The following PPARGC1A variants were observed in gnomAD, a reference collection of about 807,000 sequenced individuals.
PPARGC1A encodes the protein peroxisome proliferator-activated receptor gamma coactivator 1-alpha.
A neutral mutation model predicts 88.7 loss-of-function variants in PPARGC1A; 25 were observed. The observed-to-expected ratio is 0.28, with a 90% CI of 0.21 to 0.39. The LOEUF (loss-of-function observed/expected upper bound fraction) is 0.39. Ranked by LOEUF, PPARGC1A falls within the 10% of genes least tolerant of loss-of-function variation. The pLI is 1.00. For synonymous variants in PPARGC1A, 363 were observed against 355.6 expected (o/e 1.02, Z -0.24); for missense variants, 880 against 968.7 (o/e 0.91, Z 1.22).
chr4:24,315,005 C>T, the PPARGC1A span, among the ~76,000 whole-genome samples: 1 of 147,372 alleles, frequency 6.8e-6, no homozygotes, highest in South Asian at 2.2e-4. Flanking sequence ...GAACAAATAA[C>T]TGAGACATAC....
chr4:24,084,566 G>A, the PPARGC1A span, among the ~76,000 whole-genome samples: 1 of 152,312 alleles, frequency 6.6e-6, no homozygotes, highest in Admixed American at 6.5e-5. Flanking sequence ...ACCTAGGAAT[G>A]AGTTATAGAG....
At chr4:24,122,239 C>T in the PPARGC1A span, among the ~76,000 whole-genome samples, 1 of 152,038 alleles carries the variant, frequency 6.6e-6, no homozygotes, top group Non-Finnish European at 1.5e-5. Context: ...CAAGAAAGAA[C>T]TCACTCATGG....
chr4:24,123,662 T>C, the PPARGC1A span, among the ~76,000 whole-genome samples: 227 of 152,220 alleles, frequency 1.5e-3, no homozygotes, highest in East Asian at 0.019. Flanking sequence ...AAGTCAGTGG[T>C]TCAAAGTCAA....
At chr4:24,285,407 G>A in the PPARGC1A span, among the ~76,000 whole-genome samples, 1 of 152,146 alleles carries the variant, frequency 6.6e-6, no homozygotes. Flanking sequence ...AATGAGGAAT[G>A]AGAGGGTGAA....
chr4:23,953,739 T>C, the PPARGC1A span, among the ~76,000 whole-genome samples: 2 of 151,982 alleles, frequency 1.3e-5, no homozygotes, highest in Admixed American at 6.6e-5. Flanking sequence ...ACAAAAGAAA[T>C]AGTAACCATT....
chr4:24,080,021 C>A, the PPARGC1A span, among the ~76,000 whole-genome samples: 89 of 152,024 alleles, frequency 5.9e-4, 1 homozygote, highest in African/African-American at 1.9e-3. Context: ...TTTTTTAACT[C>A]TCTCATTATA....
chr4:24,118,578 AT>A, the PPARGC1A span, among the ~76,000 whole-genome samples: 1 of 152,172 alleles, frequency 6.6e-6, no homozygotes, highest in East Asian at 1.9e-4. Context: ...CGGTTTTAAC[AT>A]TTTAGTAACC....
chr4:24,016,448 T>C, the PPARGC1A span, among the ~76,000 whole-genome samples: 3 of 152,194 alleles, frequency 2.0e-5, no homozygotes, highest in Admixed American at 6.5e-5. Flanking sequence ...CATGAAAATG[T>C]TCATTCATTT....
At chr4:23,803,230 A>G (rs1023790880) in intron 10 of PPARGC1A, among the ~76,000 whole-genome samples, 6 of 152,308 alleles carry the variant, frequency 3.9e-5, no homozygotes, top group Admixed American at 3.9e-4. Flanking sequence ...AATGTAAGAT[A>G]AGGTTCTACA....
chr4:23,952,543 G>A, the PPARGC1A span, among the ~76,000 whole-genome samples: 1 of 152,070 alleles, frequency 6.6e-6, no homozygotes, highest in Non-Finnish European at 1.5e-5. Context: ...GTTCTCATAG[G>A]CTAAGGTAAT....
the PPARGC1A span, among the ~76,000 whole-genome samples, chr4:24,035,863 A>G: frequency 6.6e-6 from 1 of 152,218 alleles, no homozygotes; most frequent in South Asian, 2.1e-4. Context: ...ACTATAACAA[A>G]AGTGCTAGAA....
chr4:24,416,945 C>T, the PPARGC1A span, among the ~76,000 whole-genome samples: 121 of 151,594 alleles, frequency 8.0e-4, no homozygotes, highest in Non-Finnish European at 1.2e-3. Context: ...GCAGGAGAAT[C>T]GCTTAAACCA....
At chr4:24,041,499 A>T in the PPARGC1A span, among the ~76,000 whole-genome samples, 1 of 151,974 alleles carries the variant, frequency 6.6e-6, no homozygotes, top group South Asian at 2.1e-4. Flanking sequence ...AACCCTTCCC[A>T]TATCTCGAAA....
At chr4:23,832,862 G>A (rs1441491955) in intron 2 of PPARGC1A, among the ~76,000 whole-genome samples, 3 of 151,654 alleles carry the variant, frequency 2.0e-5, no homozygotes, top group East Asian at 1.9e-4. Flanking sequence ...CACCCACCTC[G>A]GCCTCCCAAA....
chr4:24,195,827 T>C, the PPARGC1A span, among the ~76,000 whole-genome samples: 1 of 152,194 alleles, frequency 6.6e-6, no homozygotes, highest in African/African-American at 2.4e-5. Context: ...CAGGTTCACA[T>C]GTAGTTAAGG....
the PPARGC1A span, among the ~76,000 whole-genome samples, chr4:24,414,143 T>G: frequency 7.2e-5 from 11 of 152,218 alleles, no homozygotes; most frequent in Admixed American, 3.3e-4. Context: ...ACTGGGTTCC[T>G]TCTAGCCATC....
the PPARGC1A span, among the ~76,000 whole-genome samples, chr4:24,002,905 G>A: frequency 7.2e-5 from 11 of 152,246 alleles, no homozygotes; most frequent in Admixed American, 2.6e-4. Flanking sequence ...AGATGAGACT[G>A]GGTCCACCTC....
chr4:24,177,265 C>T, the PPARGC1A span, among the ~76,000 whole-genome samples: 7 of 152,276 alleles, frequency 4.6e-5, no homozygotes, highest in East Asian at 9.7e-4. Context: ...GGCACATACA[C>T]ACCATGGAAT....
the PPARGC1A span, among the ~76,000 whole-genome samples, chr4:24,229,304 C>T: frequency 3.3e-5 from 5 of 150,804 alleles, no homozygotes; most frequent in African/African-American, 4.9e-5. Context: ...CAGACACGCG[C>T]CACCACGCTA....
Sources: allele counts gnomAD v4.1 joint callset (sites outside exome capture counted in the v4.1 genomes callset), GRCh38; gene constraint gnomAD v4.1.1; transcripts MANE v1.5; gene names NCBI Gene and HGNC (gene_info 2026-07-23, HGNC 2026-07-21).